The following STXBP4 variants were observed in gnomAD, a reference collection of about 807,000 sequenced individuals.
STXBP4 encodes syntaxin-binding protein 4.
Under a neutral mutation model 76.1 loss-of-function variants are expected in STXBP4, and 55 were observed. The ratio of observed to expected loss-of-function variants is 0.72; its 90% confidence interval spans 0.58 to 0.91. STXBP4 has a LOEUF of 0.91. Among genes scored for constraint, STXBP4 ranks in the 40% least tolerant of loss-of-function variants. The pLI is 0.00. For synonymous variants in STXBP4, 201 were observed against 220.2 expected (o/e 0.91, Z 0.77); for missense variants, 618 against 636.9 (o/e 0.97, Z 0.32).
chr17:55,016,118 C>T (rs1035576401), intron 8 of STXBP4, among the ~76,000 whole-genome samples: 4 of 152,140 alleles, frequency 2.6e-5, no homozygotes, highest in African/African-American at 4.8e-5. Flanking sequence ...GATGCCAGCA[C>T]CCCTACTCAT....
rs890297757 is a variant in STXBP4 at position 54,992,538 on chromosome 17, A to T, written c.180+1581A>T. Among the ~76,000 whole-genome samples the T allele has an allele frequency of 2.0e-5, 3 of 151,736 alleles. No individual in the cohort carries two copies. In the South Asian group the frequency reaches 6.2e-4, roughly 32 times the overall value. The stretch of plus-strand genomic sequence containing the variant: ...CAAATTCAAAAAAACAAAAAAATGA[A>T]TTTTTTCTTCCAAGAATTGAGGTGT... On this transcript the variant is annotated intron_variant, in intron 4 of 17. Transcript: ENST00000376352.
rs2077878284 is a variant in STXBP4, at chr17:54,999,802, C to T, written c.458C>T (p.Ser153Phe). The change falls in exon 6 of 18, where the codon TCC becomes TTC. Residue 153 changes from serine (S) to phenylalanine (F), a missense_variant. Transcript: ENST00000376352. ...PPEILIPKTS[S>F]TPKTNNDILS... ...GAAATACTAATCCCAAAGACCTCAT[C>T]CACTCCCAAAACAAATAATGACATT... 6.2e-7 allele frequency: 1 copy of T among 1,613,226 alleles called. No individual in the cohort carries two copies. The highest frequency in any genetic ancestry group is 1.3e-5 in the African/African-American group (1 of 74,868).
chr17:55,055,321 C>A (rs920694952), intron 12 of STXBP4, among the ~76,000 whole-genome samples: 4 of 152,062 alleles, frequency 2.6e-5, no homozygotes, highest in African/African-American at 7.2e-5. Flanking sequence ...GAAAAATGAA[C>A]AACTGTCTCC....
the STXBP4 span, among the ~76,000 whole-genome samples, chr17:55,208,577 AGAAGGAAG>A: frequency 1.0e-4 from 9 of 90,334 alleles, 1 homozygote; most frequent in Admixed American, 2.6e-4. Context: ...GAGGGAGGGA[AGAAGGAAG>A]GAAGGAAGGA....
At chr17:55,181,999 T>C in the STXBP4 span, among the ~76,000 whole-genome samples, 3 of 152,316 alleles carry the variant, frequency 2.0e-5, no homozygotes, top group East Asian at 5.8e-4. Context: ...TAAAATCATT[T>C]CAGTCCCTGA....
At position 55,031,158 on chromosome 17, in the gene STXBP4, T is replaced by G; in HGVS notation, c.667-10T>G. The G allele has an allele frequency of 6.2e-7, 1 of 1,610,022 alleles. No individual in the cohort carries two copies. Among genetic ancestry groups the G allele is most frequent in the East Asian group, 2.2e-5 (1 of 44,760 alleles). On this transcript the variant is annotated splice_polypyrimidine_tract_variant and intron_variant, in intron 8 of 17. Coordinates refer to ENST00000376352, the MANE Select transcript of STXBP4 (RefSeq NM_178509.6). ...GAAAAATTGCTTTTCATGAGTCCTT[T>G]ATCTTCCAGGCTCTAAATTATCTTG...
At chr17:55,089,000 C>T (rs983972387) in intron 16 of STXBP4, among the ~76,000 whole-genome samples, 2 of 152,190 alleles carry the variant, frequency 1.3e-5, no homozygotes, top group African/African-American at 4.8e-5. Context: ...TCTGATGTTC[C>T]TTAGAGATGC....
chr17:55,088,212 G>A (rs1021344030), intron 16 of STXBP4, among the ~76,000 whole-genome samples: 4 of 152,250 alleles, frequency 2.6e-5, no homozygotes, highest in African/African-American at 7.2e-5. Context: ...AGATAATTCA[G>A]CCACAACCCC....
In STXBP4 at chr17:54,989,379, G is replaced by A. The variant is rs538963662; in HGVS notation, c.48-1446G>A. Reference sequence around the variant, plus strand: ...CAAAGTGCTGGGATTATAGGCATGAGCCACCATGCCCAGCCAGAAGTATTT... The same window carrying A: ...CAAAGTGCTGGGATTATAGGCATGAACCACCATGCCCAGCCAGAAGTATTT... On this transcript the variant is annotated intron_variant, in intron 3 of 17. Coordinates refer to ENST00000376352, the MANE Select transcript of STXBP4 (RefSeq NM_178509.6). Among the ~76,000 whole-genome samples, 17 of 152,336 alleles carry A rather than the reference G, an allele frequency of 1.1e-4. 1 individual carries two copies. The highest frequency in any genetic ancestry group is 3.4e-3 in the Middle Eastern group (1 of 294).
chr17:55,163,810 A>G lies in STXBP4; in HGVS notation c.*3899A>G, dbSNP rs1353887908. On this transcript the variant is annotated 3_prime_UTR_variant, in exon 18 of 18. Transcript: ENST00000376352. ...CTTAAATTTGAAAAATTCCAAAATAATATTAACACCTCTTGACTAGAAAAG... is the reference window on the plus strand; with the variant it reads ...CTTAAATTTGAAAAATTCCAAAATAGTATTAACACCTCTTGACTAGAAAAG... 1 of 147,026 alleles carries G rather than the reference A, an allele frequency of 6.8e-6. No individual in the cohort carries two copies. Among genetic ancestry groups the G allele is most frequent in the East Asian group, 2.0e-4 (1 of 5,102 alleles). The allele number at this position is 147,026 out of a possible 1,614,324, so 9.1% of individuals were successfully genotyped here.
intron 1 of STXBP4, among the ~76,000 whole-genome samples, chr17:54,971,563 G>A (rs9902687): frequency 0.28 from 42,666 of 151,996 alleles, 6,247 homozygotes; most frequent in African/African-American, 0.35. Context: ...CAGCTACATT[G>A]AGGGGTTAGG....
At chr17:55,100,386 A>G (rs928319478) in intron 16 of STXBP4, among the ~76,000 whole-genome samples, 16 of 152,230 alleles carry the variant, frequency 1.1e-4, no homozygotes, top group Non-Finnish European at 2.2e-4. Flanking sequence ...TACCGTGTAC[A>G]ATTACTTATA....
chr17:55,074,988 C>A (rs1393906481), intron 13 of STXBP4, among the ~76,000 whole-genome samples: 2 of 151,688 alleles, frequency 1.3e-5, no homozygotes, highest in African/African-American at 4.8e-5. Flanking sequence ...ATAACAGATT[C>A]TTTTTGTAAC....
chr17:55,178,648 G>A, the STXBP4 span, among the ~76,000 whole-genome samples: 1 of 152,198 alleles, frequency 6.6e-6, no homozygotes, highest in African/African-American at 2.4e-5. Context: ...TGATTAAAGA[G>A]GCTGTGAATT....
At chr17:54,980,934 C>CG (rs1261853699) in intron 1 of STXBP4, among the ~76,000 whole-genome samples, 1 of 102,196 alleles carries the variant, frequency 9.8e-6, no homozygotes, top group East Asian at 2.1e-4. Context: ...GATTTTTTTG[C>CG]GTTTTTTTTT....
intron 17 of STXBP4, among the ~76,000 whole-genome samples, chr17:55,145,465 T>C (rs894600584): frequency 2.0e-5 from 3 of 152,198 alleles, no homozygotes; most frequent in Non-Finnish European, 4.4e-5. Context: ...AGAAATTGAA[T>C]TGTTACATCT....
At chr17:54,998,882 T>A (rs770960098) in intron 4 of STXBP4, among the ~76,000 whole-genome samples, 15 of 152,094 alleles carry the variant, frequency 9.9e-5, no homozygotes, top group Middle Eastern at 3.4e-3. Flanking sequence ...GTTTTAAAAA[T>A]CTCAATGTGG....
intron 8 of STXBP4, among the ~76,000 whole-genome samples, chr17:55,012,151 C>T (rs1451699451): frequency 3.3e-5 from 5 of 152,142 alleles, no homozygotes; most frequent in Non-Finnish European, 7.4e-5. Context: ...GTATAGCCTG[C>T]AGTGCAGGGG....
intron 17 of STXBP4, among the ~76,000 whole-genome samples, chr17:55,143,735 C>T (rs886660370): frequency 1.3e-5 from 2 of 152,180 alleles, no homozygotes; most frequent in African/African-American, 4.8e-5. Context: ...ATCCTAACCC[C>T]ATTGCTTTGC....
Sources: allele counts gnomAD v4.1 joint callset (sites outside exome capture counted in the v4.1 genomes callset), GRCh38; gene constraint gnomAD v4.1.1; transcripts MANE v1.5; gene names NCBI Gene and HGNC (gene_info 2026-07-23, HGNC 2026-07-21).